Variants in C17orf75 observed in about 807,000 individuals in gnomAD.
C17orf75 encodes chromosome 17 open reading frame 75.
A neutral mutation model predicts 49.6 loss-of-function variants in C17orf75; 32 were observed. The observed-to-expected ratio is 0.65, with a 90% CI of 0.49 to 0.87. C17orf75 has a LOEUF of 0.87. C17orf75 is among the 40% of genes least tolerant of loss of function. The pLI is 0.00. For missense variants in C17orf75, 428 were observed against 473.9 expected, an observed-to-expected ratio of 0.90 and a Z score of 0.90; for synonymous variants, 158 against 159.5, an observed-to-expected ratio of 0.99 and a Z score of 0.07.
chr17:32,337,751 A>G, intron 5 of C17orf75, 146 bp downstream of exon 5: 1 of 605,328 alleles, frequency 1.7e-6, no homozygotes, highest in Non-Finnish European at 2.8e-6. Context: ...GTTTTAGTAG[A>G]GATGAAGTTT....
Position 32,333,452 on chromosome 17 carries a change from G to T in C17orf75, c.940C>A (p.Leu314Ile), listed in dbSNP as rs1354985795. Residue 314 changes from leucine (L) to isoleucine (I), a missense_variant, in exon 9 of 10, where the codon CTT (leucine) becomes ATT (isoleucine). Physicochemically the swap from Leu to Ile is conservative, Grantham distance 5 (BLOSUM62 2). Coordinates refer to ENST00000577809, the MANE Select transcript of C17orf75 (RefSeq NM_022344.4). The stretch of plus-strand genomic sequence containing the variant: ...AAGTTCTCCAGTACTTGTCGGAAAA[G>T]AAAAGGGTTACCTCCTTTGGCACCA... Reference protein sequence around the residue: ...LNGAKGGNPFLFRQVLENFKL... With the variant: ...LNGAKGGNPFIFRQVLENFKL... 1.9e-6 allele frequency: 3 copies of T among 1,613,278 alleles called. No homozygotes were observed. The highest frequency in any genetic ancestry group is 4.5e-5 in the East Asian group (2 of 44,842).
rs1597731691 is a variant in C17orf75 at position 32,331,545 on chromosome 17, C to G, written c.*218G>C. 2.2e-6 allele frequency: 1 copy of G among 454,106 alleles called. No homozygotes were observed. Among genetic ancestry groups the G allele is most frequent in the East Asian group, 3.4e-5 (1 of 29,570 alleles). The allele number at this position is 454,106 out of a possible 1,614,324, so 28.1% of individuals were successfully genotyped here. A position where few individuals can be genotyped will look rare whatever the true frequency, so the allele number is the denominator to read the frequency against. Reference sequence around the variant, plus strand: ...TGGAATTTATGGGGCCAGTGAGACACTAAAATTTCACAACTCTCACATACA... The same window carrying G: ...TGGAATTTATGGGGCCAGTGAGACAGTAAAATTTCACAACTCTCACATACA... On this transcript the variant is annotated 3_prime_UTR_variant, in exon 10 of 10. Coordinates refer to ENST00000577809, the MANE Select transcript of C17orf75 (RefSeq NM_022344.4).
In C17orf75 at chr17:32,331,639, A is replaced by C. The variant is rs973743639; in HGVS notation, c.*124T>G. 1 of 797,954 alleles carries C rather than the reference A, an allele frequency of 1.3e-6. No individual in the cohort carries two copies. The highest frequency in any genetic ancestry group is 1.7e-5 in the African/African-American group (1 of 57,260). 49.4% of individuals were successfully genotyped at this position (797,954 alleles called of 1,614,324 possible). A position where few individuals can be genotyped will look rare whatever the true frequency, so the allele number is the denominator to read the frequency against. ...TTAAGTTAAATTGGTAAAATACAAA[A>C]AGAAAATCTGGATTGAGTTTCAAAT... On this transcript the variant is annotated 3_prime_UTR_variant, in exon 10 of 10. Transcript: ENST00000577809.
At chr17:32,332,197 C>G (rs1406391995) in intron 9 of C17orf75, among the ~76,000 whole-genome samples, 1 of 152,154 alleles carries the variant, frequency 6.6e-6, no homozygotes, top group Non-Finnish European at 1.5e-5. Flanking sequence ...GGCTGAAGCG[C>G]AATGGCTTGA....
At chr17:32,337,077 G>A (rs1353206032) in intron 5 of C17orf75, among the ~76,000 whole-genome samples, 1 of 152,092 alleles carries the variant, frequency 6.6e-6, no homozygotes, top group Admixed American at 6.5e-5. Flanking sequence ...CTGGAGCCCA[G>A]AAAAGGCTGC....
At chr17:32,343,293 CGT>C (rs750894512), upstream of C17orf75, among the ~76,000 whole-genome samples, 16 of 146,388 alleles carry the variant, frequency 1.1e-4, no homozygotes, top group South Asian at 2.1e-4. Flanking sequence ...TGTGTGCATG[CGT>C]GTGTTTTGTG....
upstream of C17orf75, chr17:32,342,387 C>A: frequency 2.2e-6 from 1 of 446,350 alleles, no homozygotes; most frequent in Non-Finnish European, 3.5e-6. Flanking sequence ...TCCTTTGAGA[C>A]ATCTGGGAAA....
chr17:32,339,842 C>G lies in C17orf75; in HGVS notation c.318G>C (p.Gly106=), dbSNP rs1208866803. Residue 106 remains glycine, a synonymous_variant, in exon 3 of 10, where the codon GGG becomes GGC. Transcript: ENST00000577809. The part of the protein sequence containing the change: ...KRLSRGAVFE[G]LGNVASVELK... ...GCTCCACAGATGCAACATTACCCAG[C>G]CCTTCAAAGACTGCACCTCTTGAAA... The G allele has an allele frequency of 6.2e-7, 1 of 1,614,016 alleles. No individual in the cohort carries two copies. The highest frequency in any genetic ancestry group is 2.2e-5 in the East Asian group (1 of 44,886).
chr17:32,349,906 G>T (rs2041468126), intron 1 of C17orf75: 8 of 1,056,408 alleles, frequency 7.6e-6, no homozygotes, highest in African/African-American at 1.7e-5. Context: ...CCGTTTTTTT[G>T]TTTTCTGTTT....
At chr17:32,343,995 T>G (rs1210655455), upstream of C17orf75, 1 of 682,216 alleles carries the variant, frequency 1.5e-6, no homozygotes, top group East Asian at 2.7e-5. Flanking sequence ...TTGTGAAATA[T>G]CGTGGGTTTA....
At chr17:32,348,087 G>A (rs1004501946) in intron 1 of C17orf75, among the ~76,000 whole-genome samples, 1 of 151,306 alleles carries the variant, frequency 6.6e-6, no homozygotes, top group Non-Finnish European at 1.5e-5. Flanking sequence ...GAGTGATCTC[G>A]GCTCACTGCA....
chr17:32,342,762 TG>T (rs1714823983), upstream of C17orf75, among the ~76,000 whole-genome samples: 2 of 151,922 alleles, frequency 1.3e-5, no homozygotes, highest in Non-Finnish European at 2.9e-5. Context: ...ATGGTGAAAC[TG>T]TGTCTCTACT....
At chr17:32,339,547 G>A (rs1476851575) in intron 3 of C17orf75, among the ~76,000 whole-genome samples, 1 of 151,748 alleles carries the variant, frequency 6.6e-6, no homozygotes, top group East Asian at 1.9e-4. Flanking sequence ...TAATCGGGCC[G>A]CTGCACTCCA....
chr17:32,343,659 T>C (rs1361298993), upstream of C17orf75: 1 of 546,834 alleles, frequency 1.8e-6, no homozygotes, highest in African/African-American at 1.9e-5. Context: ...AAAGATTGTA[T>C]TGCAGAAGTT....
chr17:32,346,458 C>T (rs2041425964), upstream of C17orf75, among the ~76,000 whole-genome samples: 3 of 152,194 alleles, frequency 2.0e-5, no homozygotes, highest in South Asian at 6.2e-4. Flanking sequence ...TGCTTTGTTG[C>T]CCAGGCTCGC....
intron 3 of C17orf75, among the ~76,000 whole-genome samples, chr17:32,339,586 CA>C (rs1248976805): frequency 4.0e-5 from 6 of 150,446 alleles, no homozygotes; most frequent in Non-Finnish European, 4.4e-5. Context: ...GACCCTGTCT[CA>C]AAAAAAAATA....
rs759844098 is a variant in C17orf75 at position 32,338,382 on chromosome 17, AT to A, written c.348-32del. The A allele has an allele frequency of 4.4e-6, 7 of 1,593,622 alleles. No homozygotes were observed. The East Asian group carries it at 1.6e-4, about 36-fold the overall frequency. On this transcript the variant is annotated intron_variant, in intron 3 of 9. Coordinates refer to ENST00000577809, the MANE Select transcript of C17orf75 (RefSeq NM_022344.4). Reference sequence around the variant, plus strand: ...AAAGAAAGAAAATGTAAAATGCATTATTTTGGTTACTCATGCATCTATAATT... The same window carrying A: ...AAAGAAAGAAAATGTAAAATGCATTATTTGGTTACTCATGCATCTATAATT...
At chr17:32,341,400 G>A in intron 1 of C17orf75, 116 bp from the exon 2 acceptor site, 1 of 964,436 alleles carries the variant, frequency 1.0e-6, no homozygotes, top group Non-Finnish European at 1.7e-6. Flanking sequence ...CAAGGTGGAA[G>A]TGCACTGCCT....
chr17:32,335,267 T>C, intron 6 of C17orf75, 56 bp downstream of exon 6: 1 of 1,592,966 alleles, frequency 6.3e-7, no homozygotes, highest in Non-Finnish European at 8.6e-7. Flanking sequence ...AGTATGTTTC[T>C]AAATCATCCA....
Sources: gnomAD v4.1 joint callset for allele counts (sites outside exome capture counted in the v4.1 genomes callset) on GRCh38, gnomAD v4.1.1 for gene constraint, MANE v1.5 for transcripts, NCBI Gene and HGNC (gene_info 2026-07-23, HGNC 2026-07-21) for gene names.